Variants in UBE2E1 observed in about 807,000 individuals in gnomAD.
UBE2E1 encodes the protein ubiquitin-conjugating enzyme E2 E1.
UBE2E1 carries 6 observed loss-of-function variants against 21.4 expected under a neutral mutation model. That is an observed-to-expected ratio of 0.28 (90% CI 0.15 to 0.55). The LOEUF (loss-of-function observed/expected upper bound fraction) is 0.55. UBE2E1 is among the 20% of genes least tolerant of loss of function. The pLI, the probability that UBE2E1 is intolerant of heterozygous loss-of-function variation, is 0.93. For missense variants in UBE2E1, 142 were observed against 236.5 expected (o/e 0.60, Z 2.62); for synonymous variants, 87 against 82.7 (o/e 1.05, Z -0.28).
intron 3 of UBE2E1, among the ~76,000 whole-genome samples, chr3:23,857,235 T>A (rs1167565806): frequency 1.3e-5 from 2 of 151,916 alleles, no homozygotes; most frequent in Non-Finnish European, 2.9e-5. Context: ...GAGTATGTTT[T>A]AGAGTCTGGT....
chr3:23,845,581 C>CTGTGTGTGTG (rs1343231599), intron 3 of UBE2E1, among the ~76,000 whole-genome samples: 30 of 48,488 alleles, frequency 6.2e-4, no homozygotes, highest in Non-Finnish European at 8.0e-4. Context: ...CTCTCTCTCT[C>CTGTGTGTGTG]TCTCTCTCTG....
In UBE2E1 at chr3:23,810,316, C is replaced by T; in HGVS notation, c.153-1144C>T. Reference sequence around the variant, plus strand: ...GTCGTATTAATTGATGCTCTAAGTGCCTAGGTAAGCAAAAGACAAAGGCCA... The same window carrying T: ...GTCGTATTAATTGATGCTCTAAGTGTCTAGGTAAGCAAAAGACAAAGGCCA... On this transcript the variant is annotated intron_variant, in intron 2 of 5. Transcript: ENST00000306627. This position sits in a 1 kb window ranked among gnomAD's most constrained non-coding sequence, Gnocchi z 5.8. The T allele has an allele frequency of 5.6e-6, 5 of 894,834 alleles. No individual in the cohort carries two copies. The highest frequency in any genetic ancestry group is 2.1e-5 in the Admixed American group (1 of 47,254). The allele number at this position is 894,834 out of a possible 1,614,324, so 55.4% of individuals were successfully genotyped here.
intron 3 of UBE2E1, among the ~76,000 whole-genome samples, chr3:23,838,371 G>A (rs9812419): frequency 0.11 from 16,426 of 151,972 alleles, 1,179 homozygotes; most frequent in South Asian, 0.21. Flanking sequence ...CTGGACTAGC[G>A]GTTTCTTTTA....
At chr3:23,832,358 TG>T (rs1699885091) in intron 3 of UBE2E1, among the ~76,000 whole-genome samples, 2 of 152,006 alleles carry the variant, frequency 1.3e-5, no homozygotes, top group African/African-American at 4.8e-5. Flanking sequence ...TATAGAGGTG[TG>T]GGGGGCTGGG....
At chr3:23,862,231 C>T (rs1700574441) in intron 3 of UBE2E1, among the ~76,000 whole-genome samples, 2 of 152,336 alleles carry the variant, frequency 1.3e-5, no homozygotes, top group African/African-American at 2.4e-5. Flanking sequence ...AATTGCTTAG[C>T]AGGCATGTAA....
chr3:23,813,905 G>A (rs1025905856), intron 3 of UBE2E1, among the ~76,000 whole-genome samples: 5 of 152,084 alleles, frequency 3.3e-5, no homozygotes, highest in South Asian at 2.1e-4. Flanking sequence ...TATTAAGTGC[G>A]TACATGTTTA....
chr3:23,812,119 CCAGCTTTCTAAGGGTTTGTTGATCA>C (rs1699407953), intron 3 of UBE2E1, among the ~76,000 whole-genome samples: 1 of 151,938 alleles, frequency 6.6e-6, no homozygotes, highest in African/African-American at 2.4e-5. Flanking sequence ...CAAATTGAAA[CCAGCTTTCTAAGGGTTTGTTGATCA>C]CAGCTTTATT....
At chr3:23,839,570 T>C (rs957617492) in intron 3 of UBE2E1, among the ~76,000 whole-genome samples, 12 of 152,106 alleles carry the variant, frequency 7.9e-5, no homozygotes, top group Admixed American at 7.9e-4. Context: ...GTTTCAGATA[T>C]TCACTCACTG....
rs373130507 is a variant in UBE2E1, at chr3:23,880,131, C to G, written c.204-7436C>G. Among the ~76,000 whole-genome samples the G allele has an allele frequency of 4.1e-4, 62 of 152,216 alleles. 1 individual carries two copies. The South Asian group carries it at 0.012, about 30-fold the overall frequency. ...GGCGCAGTGGCTCACGCCTGTAATCCCAGCACTTTGGGAGGCTGAGGCGGG... is the reference window on the plus strand; with the variant it reads ...GGCGCAGTGGCTCACGCCTGTAATCGCAGCACTTTGGGAGGCTGAGGCGGG... On this transcript the variant is annotated intron_variant, in intron 3 of 5. Transcript: ENST00000306627.
intron 3 of UBE2E1, among the ~76,000 whole-genome samples, chr3:23,824,519 T>C (rs1381386666): frequency 1.3e-5 from 2 of 152,246 alleles, no homozygotes; most frequent in African/African-American, 4.8e-5. Flanking sequence ...TTCCAAGATT[T>C]GAACTTTCTA....
At chr3:23,855,818 A>T (rs1009572355) in intron 3 of UBE2E1, among the ~76,000 whole-genome samples, 1 of 152,108 alleles carries the variant, frequency 6.6e-6, no homozygotes, top group Admixed American at 6.5e-5. Flanking sequence ...CGACAGAGTA[A>T]GACTCCGTCT....
intron 3 of UBE2E1, among the ~76,000 whole-genome samples, chr3:23,821,015 A>G (rs866375149): frequency 2.6e-5 from 4 of 152,204 alleles, no homozygotes; most frequent in Admixed American, 6.5e-5. Context: ...TTATGAAGCA[A>G]TGTTGTACAT....
At chr3:23,871,821 C>T (rs951692762) in intron 3 of UBE2E1, among the ~76,000 whole-genome samples, 5 of 150,628 alleles carry the variant, frequency 3.3e-5, no homozygotes, top group Non-Finnish European at 5.9e-5. Context: ...GGATGGCGGC[C>T]GGGAAGAGGC....
At chr3:23,860,521 A>G (rs945963607) in intron 3 of UBE2E1, among the ~76,000 whole-genome samples, 2 of 152,234 alleles carry the variant, frequency 1.3e-5, no homozygotes, top group African/African-American at 2.4e-5. Flanking sequence ...TGGCTATCCT[A>G]TGAGTTTATC....
chr3:23,879,231 G>C (rs1414923303), intron 3 of UBE2E1: 1 of 859,418 alleles, frequency 1.2e-6, no homozygotes, highest in Non-Finnish European at 1.8e-6. Context: ...TGTGCATCTG[G>C]CATATGACTT....
At chr3:23,811,397 A>C in intron 2 of UBE2E1, 63 bp from the exon 3 acceptor site, 4 of 1,529,610 alleles carry the variant, frequency 2.6e-6, no homozygotes, top group Non-Finnish European at 3.6e-6. Flanking sequence ...TGCACGCTAC[A>C]GGTGGGAGGC....
In UBE2E1 at chr3:23,806,664, C is replaced by T. The variant is rs1699279756; in HGVS notation, c.-33-573C>T. 6.6e-6 allele frequency among the ~76,000 whole-genome samples: 1 copy of T among 151,534 alleles called. No individual in the cohort carries two copies. The highest frequency in any genetic ancestry group is 2.4e-5 in the African/African-American group (1 of 41,302). On this transcript the variant is annotated intron_variant, in intron 1 of 5. Coordinates refer to ENST00000306627, the MANE Select transcript of UBE2E1 (RefSeq NM_003341.5). This position sits in a 1 kb window ranked among gnomAD's most constrained non-coding sequence, Gnocchi z 6.5. ...GGCGCGGCGCGGGGGGGCCTCGGGC[C>T]TCGTCGCCCCTGCCCCCCGCCGGCC...
rs1700883551 is a variant in UBE2E1, at chr3:23,874,905, C to T, written c.204-12662C>T. On this transcript the variant is annotated intron_variant, in intron 3 of 5. Coordinates refer to ENST00000306627, the MANE Select transcript of UBE2E1 (RefSeq NM_003341.5). Reference sequence around the variant, plus strand: ...TGTCATTTTACTTGCTTGCCACCTACCCCCACGACTACCCTGACAGGCCAG... The same window carrying T: ...TGTCATTTTACTTGCTTGCCACCTATCCCCACGACTACCCTGACAGGCCAG... 2.6e-5 allele frequency among the ~76,000 whole-genome samples: 4 copies of T among 152,132 alleles called. No homozygotes were observed. The South Asian group carries it at 8.3e-4, about 32-fold the overall frequency.
At chr3:23,861,237 G>C (rs1700547840) in intron 3 of UBE2E1, among the ~76,000 whole-genome samples, 1 of 152,192 alleles carries the variant, frequency 6.6e-6, no homozygotes, top group Admixed American at 6.5e-5. Context: ...TCCATTGCCA[G>C]TGCTCTTGTC....
Sources: gnomAD v4.1 joint callset for allele counts (sites outside exome capture counted in the v4.1 genomes callset) on GRCh38, gnomAD v4.1.1 for gene constraint, Gnocchi (gnomAD v3.1) non-coding constraint, MANE v1.5 for transcripts, NCBI Gene and HGNC (gene_info 2026-07-23, HGNC 2026-07-21) for gene names.